The following CD101 variants were observed in gnomAD, a reference collection of about 807,000 sequenced individuals.
CD101 encodes CD101 molecule.
A neutral mutation model predicts 98.2 loss-of-function variants in CD101; 76 were observed. The ratio of observed to expected loss-of-function variants is 0.77; its 90% CI spans 0.64 to 0.94. The LOEUF is 0.94. CD101 is among the 40% of genes least tolerant of loss of function. The pLI, the probability that CD101 is intolerant of heterozygous loss-of-function variation, is 0.00. For missense variants in CD101, 1,145 were observed against 1,218.8 expected (o/e 0.94, Z 0.90); for synonymous variants, 471 against 472.7 (o/e 1.00, Z 0.05).
At chr1:117,028,332 G>C (rs911035993) in intron 8 of CD101, among the ~76,000 whole-genome samples, 1 of 152,130 alleles carries the variant, frequency 6.6e-6, no homozygotes, top group Non-Finnish European at 1.5e-5. Context: ...GAGAATTAAG[G>C]ATTAACATTT....
chr1:117,011,625 C>T lies in CD101; in HGVS notation c.500C>T (p.Thr167Ile), dbSNP rs773716958. 71 of 1,614,128 alleles carry T rather than the reference C, an allele frequency of 4.4e-5. 2 individuals carry two copies. The highest frequency in any genetic ancestry group is 3.3e-4 in the Middle Eastern group (2 of 6,058). The change falls in exon 3 of 10, where the codon ACC becomes ATC. Residue 167 changes from threonine (T) to isoleucine (I), a missense_variant. Physicochemically the swap from Thr to Ile is moderately conservative, Grantham distance 89. Coordinates refer to ENST00000682167, the MANE Select transcript of CD101 (RefSeq NM_001256106.3). Reference sequence around the variant, plus strand: ...GAGGAAGGTGAGCCATTAGCCCTCACCTGTGAGGCATCCAAAGCCACAGCC... The same window carrying T: ...GAGGAAGGTGAGCCATTAGCCCTCATCTGTGAGGCATCCAAAGCCACAGCC... ...GKEEGEPLAL[T>I]CEASKATAQH... is the part of the protein sequence containing the mutation.
At chr1:117,009,637 T>C (rs1185904352) in intron 1 of CD101, among the ~76,000 whole-genome samples, 1 of 152,258 alleles carries the variant, frequency 6.6e-6, no homozygotes, top group Non-Finnish European at 1.5e-5. Flanking sequence ...TGAAGATTAC[T>C]ATGGAAGTTA....
At chr1:117,024,961 G>C (rs922269105) in intron 7 of CD101, among the ~76,000 whole-genome samples, 3 of 152,122 alleles carry the variant, frequency 2.0e-5, no homozygotes, top group Non-Finnish European at 2.9e-5. Context: ...TCAATGGCAG[G>C]GTCCAGCAGG....
intron 8 of CD101, among the ~76,000 whole-genome samples, chr1:117,027,820 G>A (rs56185343): frequency 0.09 from 13,636 of 152,084 alleles, 726 homozygotes; most frequent in African/African-American, 0.13. Context: ...ACAGTGGCTC[G>A]TGCCTGTAAT....
In CD101 at chr1:117,004,088, T is replaced by C. The variant is rs1016221798; in HGVS notation, c.43+2228T>C. On this transcript the variant is annotated intron_variant, in intron 1 of 9. Coordinates refer to ENST00000682167, the MANE Select transcript of CD101 (RefSeq NM_001256106.3). The surrounding 1 kb of genome is among the most constrained non-coding windows in gnomAD (Gnocchi z 4.1). ...CTCGGATTTAGCAGTTAGCTTTGTC[T>C]GCTTGATCTATTTCCCCCACCCAAA... Among the ~76,000 whole-genome samples, 3 of 152,238 alleles carry C rather than the reference T, an allele frequency of 2.0e-5. No individual in the cohort carries two copies. The highest frequency in any genetic ancestry group is 4.4e-5 in the Non-Finnish European group (3 of 68,050).
rs4659336 is a variant in CD101 at position 117,006,118 on chromosome 1, C to A, written c.44-3732C>A. ...TCTTCCTAATATCTGTATTTCTAGT[C>A]AGAGTATCAATATTCTCCCAGGCAG... On this transcript the variant is annotated intron_variant, in intron 1 of 9. Coordinates refer to ENST00000682167, the MANE Select transcript of CD101 (RefSeq NM_001256106.3). This position sits in a 1 kb window ranked among gnomAD's most constrained non-coding sequence, Gnocchi z 4.4. Among the ~76,000 whole-genome samples the A allele has an allele frequency of 2.4e-3, 362 of 152,184 alleles. 4 individuals carry two copies. The highest frequency in any genetic ancestry group is 0.015 in the Admixed American group (235 of 15,284).
chr1:117,021,758 GTTA>G lies in CD101; in HGVS notation c.2205_2207del (p.Ile736del). The G allele has an allele frequency of 6.2e-7, 1 of 1,614,022 alleles. No homozygotes were observed. Among genetic ancestry groups the G allele is most frequent in the Non-Finnish European group, 8.5e-7 (1 of 1,179,984 alleles). On this transcript the variant is annotated inframe_deletion, in exon 7 of 10. Transcript: ENST00000682167. The surrounding 1 kb of genome is among the most constrained non-coding windows in gnomAD (Gnocchi z 4.7). ...GATCCTGGAGATGGACCAAACCAAT[GTTA>G]TAAAAACTGGGGATGAGTTTCACAC...
At chr1:117,017,872 T>A (rs1056002532) in intron 5 of CD101, among the ~76,000 whole-genome samples, 2 of 151,684 alleles carry the variant, frequency 1.3e-5, no homozygotes, top group African/African-American at 4.8e-5. Flanking sequence ...GGGTGGGGAG[T>A]GCTCCACCCA....
In CD101 at chr1:117,011,549, G is replaced by A. The variant is rs1652887045; in HGVS notation, c.425-1G>A. On this transcript the variant is annotated splice_acceptor_variant, in intron 2 of 9. Coordinates refer to ENST00000682167, the MANE Select transcript of CD101 (RefSeq NM_001256106.3). LOFTEE classifies it high-confidence loss of function. ...CATTATTATCATTCCTTTGTTTCCAGTTATTCCAGATACCCTCTCTGCCAC... is the reference window on the plus strand; with the variant it reads ...CATTATTATCATTCCTTTGTTTCCAATTATTCCAGATACCCTCTCTGCCAC... The A allele has an allele frequency of 1.2e-6, 2 of 1,610,568 alleles. No homozygotes were observed. Among genetic ancestry groups the A allele is most frequent in the African/African-American group, 2.7e-5 (2 of 74,744 alleles).
Position 117,018,193 on chromosome 1 carries a change from G to T in CD101, c.1650G>T (p.Pro550=), listed in dbSNP as rs754141259. The T allele has an allele frequency of 5.0e-6, 8 of 1,607,866 alleles. No individual in the cohort carries two copies. In the South Asian group the frequency reaches 6.6e-5, roughly 13 times the overall value. The change falls in exon 6 of 10, where the codon CCG becomes CCT. Residue 550 remains proline (P), a synonymous_variant. Coordinates refer to ENST00000682167, the MANE Select transcript of CD101 (RefSeq NM_001256106.3). The surrounding 1 kb of genome is among the most constrained non-coding windows in gnomAD (Gnocchi z 4.3). The part of the protein sequence containing the change: ...SLQVSLMSRQ[P]QVMLTNTFDL... Reference sequence around the variant, plus strand: ...AAGTTAGTCTGATGAGCCGTCAGCCGCAAGTGATGTTAACCAACACCTTTG... The same window carrying T: ...AAGTTAGTCTGATGAGCCGTCAGCCTCAAGTGATGTTAACCAACACCTTTG...
chr1:117,011,228 G>T (rs1652867484), intron 2 of CD101, among the ~76,000 whole-genome samples: 1 of 152,152 alleles, frequency 6.6e-6, no homozygotes, highest in African/African-American at 2.4e-5. Context: ...CAGAATCTAA[G>T]GTTTCTCTGT....
At chr1:117,026,906 G>A (rs1653971496) in intron 8 of CD101, 4 of 152,160 alleles carry the variant, frequency 2.6e-5, no homozygotes, top group Admixed American at 2.6e-4. Context: ...TCCCTGTAAT[G>A]TACCTTCTGG....
At chr1:117,015,042 C>A (rs1054686415) in intron 4 of CD101, among the ~76,000 whole-genome samples, 15 of 152,190 alleles carry the variant, frequency 9.9e-5, no homozygotes, top group Admixed American at 9.8e-4. Context: ...AGGGGAACTT[C>A]AGGGTACACA....
rs181110395 is a variant in CD101, at chr1:117,005,249, C to T, written c.43+3389C>T. 1.6e-4 allele frequency among the ~76,000 whole-genome samples: 25 copies of T among 152,220 alleles called. No homozygotes were observed. Among genetic ancestry groups the T allele is most frequent in the Admixed American group, 1.4e-3 (21 of 15,296 alleles). On this transcript the variant is annotated intron_variant, in intron 1 of 9. Coordinates refer to ENST00000682167, the MANE Select transcript of CD101 (RefSeq NM_001256106.3). The surrounding 1 kb of genome is among the most constrained non-coding windows in gnomAD (Gnocchi z 4.4). ...ATCCTCCTTGCTGGCTTCACCCATTCTCCATCCCACCCCTTCCTACCGCTC... is the reference window on the plus strand; with the variant it reads ...ATCCTCCTTGCTGGCTTCACCCATTTTCCATCCCACCCCTTCCTACCGCTC...
intron 9 of CD101, among the ~76,000 whole-genome samples, chr1:117,035,798 C>T (rs542943970): frequency 4.8e-4 from 73 of 152,232 alleles, no homozygotes; most frequent in African/African-American, 1.7e-3. Flanking sequence ...ATGATCCACC[C>T]GCCTCGGCCT....
rs1306492840 is a variant in CD101 at position 117,011,717 on chromosome 1, A to T, written c.592A>T (p.Ile198Phe). The T allele has an allele frequency of 6.2e-7, 1 of 1,614,058 alleles. No individual in the cohort carries two copies. Among genetic ancestry groups the T allele is most frequent in the South Asian group, 1.1e-5 (1 of 91,068 alleles). The change falls in exon 3 of 10, where the codon ATT becomes TTT. Residue 198 changes from isoleucine to phenylalanine, a missense_variant. Physicochemically the swap from Ile to Phe is conservative, Grantham distance 21. Transcript: ENST00000682167. ...QDGGGSQATE[I>F]ISLSKDFILV... Reference sequence around the variant, plus strand: ...TGGAGGAGGAAGCCAAGCCACTGAGATTATTTCTCTCTCCAAAGATTTTAT... The same window carrying T: ...TGGAGGAGGAAGCCAAGCCACTGAGTTTATTTCTCTCTCCAAAGATTTTAT...
rs1265308059 is a variant in CD101, at chr1:117,004,788, C to T, written c.43+2928C>T. Among the ~76,000 whole-genome samples, 1 of 151,118 alleles carries T rather than the reference C, an allele frequency of 6.6e-6. No individual in the cohort carries two copies. The highest frequency in any genetic ancestry group is 1.5e-5 in the Non-Finnish European group (1 of 67,816). ...CTGAAAAATACCTTTGAAATCTCCA[C>T]ACTATTTCTTTCACTTTTCTCAGAA... is the stretch of plus-strand genomic sequence containing the variant. On this transcript the variant is annotated intron_variant, in intron 1 of 9. Transcript: ENST00000682167. The surrounding 1 kb of genome is among the most constrained non-coding windows in gnomAD (Gnocchi z 4.1).
intron 1 of CD101, among the ~76,000 whole-genome samples, chr1:117,008,935 G>A (rs915796623): frequency 3.9e-5 from 6 of 152,120 alleles, no homozygotes; most frequent in African/African-American, 1.4e-4. Flanking sequence ...GACCACTCTT[G>A]TGGCATGTCT....
At chr1:117,014,997 C>T (rs1426665565) in intron 4 of CD101, among the ~76,000 whole-genome samples, 1 of 152,186 alleles carries the variant, frequency 6.6e-6, no homozygotes, top group East Asian at 1.9e-4. Flanking sequence ...TATCTGCAGG[C>T]TTTTGTAAAC....
Sources: gnomAD v4.1 joint callset for allele counts (sites outside exome capture counted in the v4.1 genomes callset) on GRCh38, gnomAD v4.1.1 for gene constraint, Gnocchi (gnomAD v3.1) non-coding constraint, MANE v1.5 for transcripts, NCBI Gene and HGNC (gene_info 2026-07-23, HGNC 2026-07-21) for gene names.